Variants in SPEF2 observed in about 807,000 individuals in gnomAD.
SPEF2 encodes sperm flagella and cilia-associated protein 2.
Under a neutral mutation model 224.6 loss-of-function variants are expected in SPEF2, and 187 were observed. The observed-to-expected ratio is 0.83, with a 90% CI of 0.74 to 0.94. The LOEUF is 0.94. Ranked by LOEUF, SPEF2 falls within the 40% of genes least tolerant of loss-of-function variation. SPEF2 has a pLI of 0.00. For missense variants in SPEF2, 2,170 were observed against 2,135.6 expected, an observed-to-expected ratio of 1.02 and a Z score of -0.32; for synonymous variants, 715 against 707.3, an observed-to-expected ratio of 1.01 and a Z score of -0.17.
chr5:35,707,148 T>C (rs973119798), intron 18 of SPEF2, among the ~76,000 whole-genome samples: 1 of 152,196 alleles, frequency 6.6e-6, no homozygotes, highest in Non-Finnish European at 1.5e-5. Context: ...GTATTAAACT[T>C]TCCGACTAAG....
intron 16 of SPEF2, 22 bp from the exon 17 acceptor site, chr5:35,704,532 T>C: frequency 6.5e-7 from 1 of 1,543,028 alleles, no homozygotes; most frequent in Non-Finnish European, 8.8e-7. Flanking sequence ...AATTATCTAA[T>C]TAAATAAATT....
intron 27 of SPEF2, 135 bp downstream of exon 27, chr5:35,771,891 G>A (rs1237596759): frequency 8.9e-7 from 1 of 1,124,472 alleles, no homozygotes; most frequent in South Asian, 2.5e-5. Flanking sequence ...AGAGACCCGG[G>A]CTTCTATGAT....
intron 2 of SPEF2, among the ~76,000 whole-genome samples, chr5:35,635,776 C>T (rs1347383472): frequency 1.3e-5 from 2 of 152,104 alleles, no homozygotes; most frequent in Non-Finnish European, 2.9e-5. Flanking sequence ...ATTGAAAATT[C>T]GTCAGATTTG....
intron 8 of SPEF2, among the ~76,000 whole-genome samples, chr5:35,661,954 G>T (rs1237528396): frequency 6.6e-6 from 1 of 152,148 alleles, no homozygotes; most frequent in Non-Finnish European, 1.5e-5. Flanking sequence ...TAATGGAATT[G>T]CTGGGTTGAG....
At chr5:35,682,885 A>G (rs1345416811) in intron 10 of SPEF2, among the ~76,000 whole-genome samples, 1 of 152,164 alleles carries the variant, frequency 6.6e-6, no homozygotes, top group Non-Finnish European at 1.5e-5. Flanking sequence ...TACAGGGGTA[A>G]TCGGCAGCAT....
intron 21 of SPEF2, among the ~76,000 whole-genome samples, chr5:35,729,726 C>T (rs999126826): frequency 5.9e-5 from 9 of 152,060 alleles, no homozygotes; most frequent in African/African-American, 1.7e-4. Flanking sequence ...AGAATTCCTA[C>T]GTGTTGTGGG....
intron 23 of SPEF2, among the ~76,000 whole-genome samples, chr5:35,743,712 T>C (rs2149700600): frequency 6.6e-6 from 1 of 152,226 alleles, no homozygotes; most frequent in African/African-American, 2.4e-5. Context: ...AACATTTTTA[T>C]AGCTAGATGA....
chr5:35,702,877 T>G (rs1738932917), intron 16 of SPEF2, among the ~76,000 whole-genome samples: 1 of 152,102 alleles, frequency 6.6e-6, no homozygotes, highest in South Asian at 2.1e-4. Context: ...TACCTATAAG[T>G]ACTACAGAGA....
chr5:35,645,972 A>G (rs1747317987), intron 4 of SPEF2, among the ~76,000 whole-genome samples: 1 of 152,186 alleles, frequency 6.6e-6, no homozygotes, highest in Non-Finnish European at 1.5e-5. Context: ...AATATAATGT[A>G]TTAGTAGTAA....
intron 6 of SPEF2, among the ~76,000 whole-genome samples, chr5:35,650,476 C>T (rs1748028477): frequency 6.6e-6 from 1 of 152,184 alleles, no homozygotes; most frequent in South Asian, 2.1e-4. Context: ...CTCATTCTTT[C>T]ACCCATCTCT....
rs769195307 is a variant in SPEF2 at position 35,692,763 on chromosome 5, A to G, written c.1899+39A>G. ...TAGTTTTCTCTTCTGCGCCTAGTAC[A>G]TTAGAGATTTGGAGCTGGATGGAAT... On this transcript the variant is annotated intron_variant, in intron 12 of 36. Transcript: ENST00000356031. The G allele has an allele frequency of 6.9e-6, 11 of 1,583,568 alleles. No individual in the cohort carries two copies. In the East Asian group the frequency reaches 1.8e-4, roughly 26 times the overall value.
Position 35,779,346 on chromosome 5 carries a change from G to C in SPEF2, c.4447G>C (p.Gly1483Arg). Residue 1483 changes from glycine to arginine, a missense_variant and splice_region_variant, in exon 30 of 37, where the codon GGC (glycine) becomes CGC (arginine). By Grantham distance (125) the Gly-to-Arg change is moderately radical (BLOSUM62 -2). Coordinates refer to ENST00000356031, the MANE Select transcript of SPEF2 (RefSeq NM_024867.4). The part of the protein sequence containing the change: ...RDQFLDMAPK[G>R]IIGNKAFTDI... ...TCAGTTCTTAGATATGGCACCTAAA[G>C]GTAGGAAAAATAATTATCATGAAAA... 6.3e-7 allele frequency: 1 copy of C among 1,587,042 alleles called. No individual in the cohort carries two copies. The highest frequency in any genetic ancestry group is 2.2e-5 in the East Asian group (1 of 44,636).
intron 21 of SPEF2, among the ~76,000 whole-genome samples, chr5:35,738,136 T>G (rs1321189612): frequency 6.6e-6 from 1 of 152,162 alleles, no homozygotes; most frequent in Non-Finnish European, 1.5e-5. Context: ...ATGAGTCGAT[T>G]GCAAAAATTT....
intron 21 of SPEF2, among the ~76,000 whole-genome samples, chr5:35,735,081 A>T (rs967644787): frequency 6.6e-6 from 1 of 151,986 alleles, no homozygotes; most frequent in Non-Finnish European, 1.5e-5. Context: ...GATTTTCCTA[A>T]TTACTTATTA....
At chr5:35,720,476 G>C (rs1743434230) in intron 20 of SPEF2, among the ~76,000 whole-genome samples, 1 of 152,130 alleles carries the variant, frequency 6.6e-6, no homozygotes, top group Non-Finnish European at 1.5e-5. Flanking sequence ...CTGTGTTTGA[G>C]AGCATCTGTT....
At chr5:35,694,717 T>A (rs1755046408) in intron 13 of SPEF2, among the ~76,000 whole-genome samples, 1 of 152,186 alleles carries the variant, frequency 6.6e-6, no homozygotes, top group African/African-American at 2.4e-5. Context: ...ATGAGTACAA[T>A]TGGGGCTTTC....
At chr5:35,618,682 G>T (rs1743010467) in intron 1 of SPEF2, among the ~76,000 whole-genome samples, 1 of 151,954 alleles carries the variant, frequency 6.6e-6, no homozygotes, top group African/African-American at 2.4e-5. Flanking sequence ...TCACAAACTA[G>T]CTATTTCTGG....
intron 12 of SPEF2, 77 bp downstream of exon 12, chr5:35,692,801 C>G: frequency 2.1e-6 from 3 of 1,416,268 alleles, no homozygotes; most frequent in Middle Eastern, 1.8e-4. Context: ...AAAAGGTCTT[C>G]TCTAGACCAG....
intron 21 of SPEF2, among the ~76,000 whole-genome samples, chr5:35,729,813 C>T (rs984664805): frequency 2.0e-5 from 3 of 152,128 alleles, no homozygotes; most frequent in South Asian, 4.2e-4. Flanking sequence ...ACAAGTCTCA[C>T]GAGATCTGAT....
Sources: allele counts gnomAD v4.1 joint callset (sites outside exome capture counted in the v4.1 genomes callset), GRCh38; gene constraint gnomAD v4.1.1; transcripts MANE v1.5; gene names NCBI Gene and HGNC (gene_info 2026-07-23, HGNC 2026-07-21).